Variants in DDX60L observed in about 807,000 individuals in gnomAD.
DDX60L encodes probable ATP-dependent RNA helicase DDX60-like.
A neutral mutation model predicts 211.6 loss-of-function variants in DDX60L; 191 were observed. That is an observed-to-expected ratio of 0.90 (90% CI 0.80 to 1.02). DDX60L has a LOEUF of 1.02. Among genes scored for constraint, DDX60L ranks in the 50% least tolerant of loss-of-function variants. The pLI is 0.00. For synonymous variants in DDX60L, 706 were observed against 694.1 expected, an observed-to-expected ratio of 1.02 and a Z score of -0.27; for missense variants, 2,007 against 1,984.1, an observed-to-expected ratio of 1.01 and a Z score of -0.22.
intron 1 of DDX60L, among the ~76,000 whole-genome samples, chr4:168,478,627 A>G (rs967367322): frequency 1.3e-5 from 2 of 152,238 alleles, no homozygotes; most frequent in African/African-American, 4.8e-5. Context: ...ATAGCCGTGG[A>G]TGATAATTAA....
In DDX60L at chr4:168,357,498, G is replaced by A. The variant is rs1010236271; in HGVS notation, c.*649C>T. The A allele has an allele frequency of 6.6e-6, 1 of 152,386 alleles. No homozygotes were observed. Among genetic ancestry groups the A allele is most frequent in the Non-Finnish European group, 1.5e-5 (1 of 68,218 alleles). 9.4% of individuals were successfully genotyped at this position (152,386 alleles called of 1,614,324 possible). A position where few individuals can be genotyped will look rare whatever the true frequency, so the allele number is the denominator to read the frequency against. ...GGCCATCTTCCCATTGTATCATCCA[G>A]TGGTAGTGAGCAGAGATTGGAGAAC... is the stretch of plus-strand genomic sequence containing the variant. On this transcript the variant is annotated 3_prime_UTR_variant, in exon 38 of 38. Transcript: ENST00000682922.
intron 12 of DDX60L, 62 bp from the exon 13 acceptor site, chr4:168,430,700 AC>A: frequency 4.1e-6 from 5 of 1,221,394 alleles, no homozygotes; most frequent in Non-Finnish European, 5.4e-6. Flanking sequence ...TATGTGTGCT[AC>A]CCACACATTA....
Position 168,430,472 on chromosome 4 carries a change from A to C in DDX60L, c.1677+6T>G, listed in dbSNP as rs1302501477. The C allele has an allele frequency of 1.3e-5, 21 of 1,564,034 alleles. No homozygotes were observed. The highest frequency in any genetic ancestry group is 1.7e-5 in the Non-Finnish European group (20 of 1,161,810). On this transcript the variant is annotated splice_donor_region_variant and intron_variant, in intron 13 of 37. Transcript: ENST00000682922. ...AAAAAAATTAGGTAAAATCTTTGCGATCTACCTGTAATATTTCACCACTGG... is the reference window on the plus strand; with the variant it reads ...AAAAAAATTAGGTAAAATCTTTGCGCTCTACCTGTAATATTTCACCACTGG...
intron 26 of DDX60L, 124 bp downstream of exon 26, chr4:168,400,702 G>T: frequency 1.3e-6 from 1 of 796,794 alleles, no homozygotes. Context: ...TACTCTATTT[G>T]CAAAAACTGT....
chr4:168,394,397 C>G, intron 28 of DDX60L, 68 bp downstream of exon 28: 1 of 1,273,678 alleles, frequency 7.9e-7, no homozygotes, highest in Non-Finnish European at 1.1e-6. Context: ...TAATTTTTTA[C>G]CTTTTAGTGG....
At chr4:168,450,866 C>T (rs1353730692) in intron 8 of DDX60L, among the ~76,000 whole-genome samples, 1 of 152,116 alleles carries the variant, frequency 6.6e-6, no homozygotes, top group African/African-American at 2.4e-5. Context: ...ATGGTCATGC[C>T]ACAGCACTCC....
intron 4 of DDX60L, chr4:168,469,905 G>GA (rs952792022): frequency 1.8e-4 from 27 of 152,152 alleles, no homozygotes; most frequent in Admixed American, 3.3e-4. Context: ...CACAGACTGG[G>GA]AAAATATATT....
chr4:168,411,544 GA>G (rs1276561973), intron 22 of DDX60L, among the ~76,000 whole-genome samples: 2 of 152,190 alleles, frequency 1.3e-5, no homozygotes, highest in Non-Finnish European at 2.9e-5. Context: ...ACCCAGAGGA[GA>G]ACTGCCCATC....
intron 4 of DDX60L, among the ~76,000 whole-genome samples, chr4:168,464,790 T>C (rs1169884361): frequency 6.6e-6 from 1 of 152,142 alleles, no homozygotes; most frequent in Admixed American, 6.5e-5. Context: ...GGTGCAATAA[T>C]GTCCTCCAAG....
chr4:168,420,511 T>C, intron 17 of DDX60L, 131 bp from the exon 18 acceptor site: 1 of 803,968 alleles, frequency 1.2e-6, no homozygotes, highest in Non-Finnish European at 1.8e-6. Flanking sequence ...CACACTTCAA[T>C]GAAAATGAAA....
At chr4:168,432,606 A>G (rs761080107) in intron 11 of DDX60L, 36 bp from the exon 12 acceptor site, 1 of 1,314,232 alleles carries the variant, frequency 7.6e-7, no homozygotes, top group South Asian at 1.5e-5. Context: ...TTAAATTTTA[A>G]GCTTTTCAAA....
rs1218212901 is a variant in DDX60L at position 168,453,168 on chromosome 4, T to G, written c.952A>C (p.Ile318Leu). ...PLSQRACSRVITCSWIRNSDS... is the reference protein window; with the variant it reads ...PLSQRACSRVLTCSWIRNSDS... The stretch of plus-strand genomic sequence containing the variant: ...CTGTTCCTAATCCAAGAGCATGTGA[T>G]GACTCGAGAACAAGCTCTCTGAGAA... Residue 318 changes from isoleucine (I) to leucine (L), a missense_variant, in exon 8 of 38, where the codon ATC becomes CTC. Ile to Leu is a conservative substitution (Grantham distance 5). Coordinates refer to ENST00000682922, the MANE Select transcript of DDX60L (RefSeq NM_001012967.3). 1 of 1,613,138 alleles carries G rather than the reference T, an allele frequency of 6.2e-7. No homozygotes were observed. The highest frequency in any genetic ancestry group is 8.5e-7 in the Non-Finnish European group (1 of 1,179,452).
intron 36 of DDX60L, among the ~76,000 whole-genome samples, chr4:168,364,137 A>G (rs1440787239): frequency 6.6e-6 from 1 of 152,084 alleles, no homozygotes; most frequent in Non-Finnish European, 1.5e-5. Context: ...AATTAACTCA[A>G]TGTACAATTG....
At chr4:168,396,197 C>T in intron 26 of DDX60L, 73 bp from the exon 27 acceptor site, 4 of 919,156 alleles carry the variant, frequency 4.4e-6, no homozygotes, top group Non-Finnish European at 6.3e-6. Flanking sequence ...AAGCCTAAGG[C>T]CCCACAGATT....
chr4:168,470,839 T>TA (rs78162593), intron 4 of DDX60L: 7,525 of 219,718 alleles, frequency 0.034, 16 homozygotes, highest in South Asian at 0.055. Context: ...AAACTCCATC[T>TA]AAAAAAAAAA....
chr4:168,467,004 T>A (rs1345045837), intron 4 of DDX60L, among the ~76,000 whole-genome samples: 1 of 152,222 alleles, frequency 6.6e-6, no homozygotes, highest in Admixed American at 6.5e-5. Flanking sequence ...TTTGCAGTGT[T>A]CTTCTTTTCC....
At chr4:168,362,444 C>T (rs1189522752) in intron 36 of DDX60L, among the ~76,000 whole-genome samples, 1 of 152,222 alleles carries the variant, frequency 6.6e-6, no homozygotes, top group Non-Finnish European at 1.5e-5. Context: ...AGCTGGCTGG[C>T]TCACTGCACC....
intron 9 of DDX60L, among the ~76,000 whole-genome samples, chr4:168,446,239 GACAA>G (rs1032846731): frequency 5.6e-4 from 85 of 152,068 alleles, no homozygotes; most frequent in Admixed American, 9.2e-4. Flanking sequence ...ACCAACAACA[GACAA>G]ACAGAGAGCC....
Position 168,421,806 on chromosome 4 carries a change from A to C in DDX60L, c.2348T>G (p.Leu783Arg). 1 of 1,614,222 alleles carries C rather than the reference A, an allele frequency of 6.2e-7. No individual in the cohort carries two copies. The highest frequency in any genetic ancestry group is 2.2e-5 in the East Asian group (1 of 44,890). Reference protein sequence around the residue: ...YASYYCMEKVLRESDVGVVVY... With the variant: ...YASYYCMEKVRRESDVGVVVY... ...AACCACCCCGACATCGCTCTCCCTC[A>C]GCACTTTCTCCATGCAGTAGTAGGA... Residue 783 changes from leucine to arginine, a missense_variant, in exon 17 of 38, where the codon CTG becomes CGG. Physicochemically the swap from Leu to Arg is moderately radical, Grantham distance 102. Transcript: ENST00000682922.
Sources: gnomAD v4.1 joint callset for allele counts (sites outside exome capture counted in the v4.1 genomes callset) on GRCh38, gnomAD v4.1.1 for gene constraint, MANE v1.5 for transcripts, NCBI Gene and HGNC (gene_info 2026-07-23, HGNC 2026-07-21) for gene names.